The following DERA variants were observed in gnomAD, a reference collection of about 807,000 sequenced individuals.
DERA encodes the protein 2-deoxy-D-ribose 5-phosphate aldolase.
In DERA, 15 loss-of-function variants were observed where a neutral mutation model predicts 41.1. That is an observed-to-expected ratio of 0.37 (90% CI 0.24 to 0.56). The LOEUF is 0.56. Among genes scored for constraint, DERA ranks in the 20% least tolerant of loss-of-function variants. The probability of loss-of-function intolerance (pLI) is 0.81; values close to 1 mark genes in which losing one functional copy is unlikely to be tolerated. For missense variants in DERA, 396 were observed against 403.4 expected (o/e 0.98, Z 0.16); for synonymous variants, 139 against 137.4 (o/e 1.01, Z -0.08).
intron 1 of DERA, among the ~76,000 whole-genome samples, chr12:15,939,541 T>A (rs572173879): frequency 4.3e-4 from 66 of 152,292 alleles, no homozygotes; most frequent in Non-Finnish European, 9.3e-4. Context: ...AAATTTTATG[T>A]CTCCCTCTTT....
Position 15,967,213 on chromosome 12 carries a change from G to T in DERA, c.508+4266G>T, listed in dbSNP as rs1036228209. ...TAAAAAAAAAAAAATGCAAAAATTA[G>T]CCTGGTGTTGTGGTATGCGCCTGTA... is the stretch of plus-strand genomic sequence containing the variant. On this transcript the variant is annotated intron_variant, in intron 5 of 8. Transcript: ENST00000428559. The surrounding 1 kb of genome is among the most constrained non-coding windows in gnomAD (Gnocchi z 4.9). Among the ~76,000 whole-genome samples the T allele has an allele frequency of 1.3e-5, 2 of 151,856 alleles. No individual in the cohort carries two copies. The highest frequency in any genetic ancestry group is 4.8e-5 in the African/African-American group (2 of 41,330).
chr12:15,943,628 C>T lies in DERA; in HGVS notation c.32-13308C>T, dbSNP rs755071503. ...ACACGGGTTTGAAACAGAACTTCCA[C>T]GAATGATCCTACCTGTATAACATGT... On this transcript the variant is annotated intron_variant, in intron 1 of 8. Coordinates refer to ENST00000428559, the MANE Select transcript of DERA (RefSeq NM_015954.4). This position sits in a 1 kb window ranked among gnomAD's most constrained non-coding sequence, Gnocchi z 4.5. Among the ~76,000 whole-genome samples, 4 of 152,162 alleles carry T rather than the reference C, an allele frequency of 2.6e-5. No homozygotes were observed. The highest frequency in any genetic ancestry group is 2.1e-4 in the South Asian group (1 of 4,824).
At chr12:16,032,841 G>A (rs1047087829) in intron 7 of DERA, 187 bp downstream of exon 7, 39 of 555,314 alleles carry the variant, frequency 7.0e-5, no homozygotes, top group African/African-American at 6.8e-4. Context: ...TGAACAGAAA[G>A]TGAGTTGTGA....
At position 15,959,861 on chromosome 12, in the gene DERA, GC is replaced by G; in HGVS notation, c.313del (p.Arg105GlyfsTer6). On this transcript the variant is annotated frameshift_variant, in exon 4 of 9. Coordinates refer to ENST00000428559, the MANE Select transcript of DERA (RefSeq NM_015954.4). LOFTEE classifies it high-confidence loss of function. The surrounding 1 kb of genome is among the most constrained non-coding windows in gnomAD (Gnocchi z 4.5). ...TACAGCCGCCGTTTGTGTTTATCCCGCCCGGGTGTGTGATGCTGTAAAAGCA... is the reference window on the plus strand; with the variant it reads ...TACAGCCGCCGTTTGTGTTTATCCCGCCGGGTGTGTGATGCTGTAAAAGCA... ...ITTAAVCVYP[A>X]RVCDAVKALK... 3 of 1,549,956 alleles carry G rather than the reference GC, an allele frequency of 1.9e-6. No individual in the cohort carries two copies. Among genetic ancestry groups the G allele is most frequent in the Non-Finnish European group, 2.6e-6 (3 of 1,145,006 alleles).
chr12:15,973,428 A>ATAATAGCCTACCAAATTATTATTTTC (rs138148780), intron 5 of DERA, among the ~76,000 whole-genome samples: 1 of 151,670 alleles, frequency 6.6e-6, no homozygotes, highest in Admixed American at 6.6e-5. Flanking sequence ...GGCATCTTTG[A>ATAATAGCCTACCAAATTATTATTTTC]TAATATATGG....
At chr12:16,007,929 C>T (rs1229440904) in intron 6 of DERA, among the ~76,000 whole-genome samples, 1 of 152,154 alleles carries the variant, frequency 6.6e-6, no homozygotes, top group Non-Finnish European at 1.5e-5. Flanking sequence ...TGGCTCACTG[C>T]AACCTCAGCC....
Position 15,984,691 on chromosome 12 carries a change from C to G in DERA, c.637+2255C>G, listed in dbSNP as rs2136163904. Among the ~76,000 whole-genome samples, 1 of 152,174 alleles carries G rather than the reference C, an allele frequency of 6.6e-6. No individual in the cohort carries two copies. The highest frequency in any genetic ancestry group is 6.5e-5 in the Admixed American group (1 of 15,282). On this transcript the variant is annotated intron_variant, in intron 6 of 8. Coordinates refer to ENST00000428559, the MANE Select transcript of DERA (RefSeq NM_015954.4). The surrounding 1 kb of genome is among the most constrained non-coding windows in gnomAD (Gnocchi z 4.5). ...CTTGTAACATGGCTATTTCCCAAGG[C>G]ACACACTAGATTTTATCATGAATGA...
chr12:15,946,810 G>A (rs1260722855), intron 1 of DERA, among the ~76,000 whole-genome samples: 1 of 152,182 alleles, frequency 6.6e-6, no homozygotes, highest in South Asian at 2.1e-4. Context: ...TCTTTTAATT[G>A]TGATGTTAGG....
At chr12:15,937,511 A>G (rs1948377583) in intron 1 of DERA, among the ~76,000 whole-genome samples, 1 of 152,232 alleles carries the variant, frequency 6.6e-6, no homozygotes, top group Non-Finnish European at 1.5e-5. Context: ...TTGATACTCC[A>G]ATACCATGTG....
At position 15,988,653 on chromosome 12, in the gene DERA, T is replaced by C. The variant is rs931832325; in HGVS notation, c.637+6217T>C. On this transcript the variant is annotated intron_variant, in intron 6 of 8. Transcript: ENST00000428559. This position sits in a 1 kb window ranked among gnomAD's most constrained non-coding sequence, Gnocchi z 6.0. Reference sequence around the variant, plus strand: ...CATCAATGAAGTTCTCACTCCAGGCTGTGGCCTTCACTCAGACCTGGCAGC... The same window carrying C: ...CATCAATGAAGTTCTCACTCCAGGCCGTGGCCTTCACTCAGACCTGGCAGC... 2.0e-5 allele frequency among the ~76,000 whole-genome samples: 3 copies of C among 152,142 alleles called. No individual in the cohort carries two copies. The highest frequency in any genetic ancestry group is 7.2e-5 in the African/African-American group (3 of 41,434).
At position 15,983,446 on chromosome 12, in the gene DERA, A is replaced by C; in HGVS notation, c.637+1010A>C. Among the ~76,000 whole-genome samples, 1 of 152,060 alleles carries C rather than the reference A, an allele frequency of 6.6e-6. No homozygotes were observed. The highest frequency in any genetic ancestry group is 1.5e-5 in the Non-Finnish European group (1 of 68,012). On this transcript the variant is annotated intron_variant, in intron 6 of 8. Transcript: ENST00000428559. The surrounding 1 kb of genome is among the most constrained non-coding windows in gnomAD (Gnocchi z 6.2). ...TGTACGTTCTGTGCCTCCTGCCCGG[A>C]ATGCCTTTTGCCCAAATAACTCCAC...
intron 6 of DERA, among the ~76,000 whole-genome samples, chr12:16,028,211 C>G (rs1949065588): frequency 6.6e-6 from 1 of 152,090 alleles, no homozygotes; most frequent in Non-Finnish European, 1.5e-5. Flanking sequence ...ACAAGATAAG[C>G]CCTGAGCATC....
chr12:15,991,046 A>G (rs1232037238), intron 6 of DERA, among the ~76,000 whole-genome samples: 1 of 152,102 alleles, frequency 6.6e-6, no homozygotes, highest in Non-Finnish European at 1.5e-5. Flanking sequence ...GTTTTCCATG[A>G]TGGCTGAACT....
chr12:15,978,464 T>G (rs1043905706), intron 5 of DERA, among the ~76,000 whole-genome samples: 1 of 152,188 alleles, frequency 6.6e-6, no homozygotes, highest in African/African-American at 2.4e-5. Flanking sequence ...CCTGGTTCTA[T>G]TCTAGCAACA....
chr12:16,013,800 G>C lies in DERA; in HGVS notation c.638-18742G>C, dbSNP rs1270321105. ...GAACTTCCTAGAGACTTGTTGAATG[G>C]TTTTGACCAGAATGCTGATAGTGAT... On this transcript the variant is annotated intron_variant, in intron 6 of 8. Transcript: ENST00000428559. The surrounding 1 kb of genome is among the most constrained non-coding windows in gnomAD (Gnocchi z 5.8). 1.3e-5 allele frequency among the ~76,000 whole-genome samples: 2 copies of C among 152,184 alleles called. No individual in the cohort carries two copies. Among genetic ancestry groups the C allele is most frequent in the Admixed American group, 6.5e-5 (1 of 15,274 alleles).
In DERA at chr12:15,967,748, C is replaced by T. The variant is rs1459414373; in HGVS notation, c.508+4801C>T. ...CGTGACGGCACACTGTCCTTCCCTG[C>T]CAATCCTTCTGTCACTCCTGTCTAG... On this transcript the variant is annotated intron_variant, in intron 5 of 8. Coordinates refer to ENST00000428559, the MANE Select transcript of DERA (RefSeq NM_015954.4). This position sits in a 1 kb window ranked among gnomAD's most constrained non-coding sequence, Gnocchi z 4.9. Among the ~76,000 whole-genome samples, 2 of 152,174 alleles carry T rather than the reference C, an allele frequency of 1.3e-5. No homozygotes were observed. Among genetic ancestry groups the T allele is most frequent in the African/African-American group, 4.8e-5 (2 of 41,420 alleles).
rs554236357 is a variant in DERA at position 15,965,956 on chromosome 12, A to G, written c.508+3009A>G. ...CTTCCGTGTCATCAGCCTTTCTGCC[A>G]GCTCATTCCCATTAAGCATTTAGAC... is the stretch of plus-strand genomic sequence containing the variant. On this transcript the variant is annotated intron_variant, in intron 5 of 8. Transcript: ENST00000428559. This position sits in a 1 kb window ranked among gnomAD's most constrained non-coding sequence, Gnocchi z 4.1. 3.4e-4 allele frequency among the ~76,000 whole-genome samples: 52 copies of G among 152,272 alleles called. No homozygotes were observed. Among genetic ancestry groups the G allele is most frequent in the African/African-American group, 1.2e-3 (50 of 41,542 alleles).
At chr12:15,975,865 G>A (rs576937435) in intron 5 of DERA, among the ~76,000 whole-genome samples, 27 of 152,294 alleles carry the variant, frequency 1.8e-4, no homozygotes, top group African/African-American at 4.8e-4. Context: ...TCCAGCTTTG[G>A]AATCAGTCAT....
At chr12:15,923,826 C>G (rs1337942891) in intron 1 of DERA, among the ~76,000 whole-genome samples, 3 of 151,858 alleles carry the variant, frequency 2.0e-5, no homozygotes, top group Non-Finnish European at 4.4e-5. Flanking sequence ...TTCTTTACCT[C>G]TGGGCTTTCT....
Sources: allele counts gnomAD v4.1 joint callset (sites outside exome capture counted in the v4.1 genomes callset), GRCh38; gene constraint gnomAD v4.1.1; non-coding constraint Gnocchi (gnomAD v3.1); transcripts MANE v1.5; gene names NCBI Gene and HGNC (gene_info 2026-07-23, HGNC 2026-07-21).